KCNQ3: variants seen among roughly 807,000 people sequenced by gnomAD.
KCNQ3 encodes the protein potassium voltage-gated channel subfamily Q member 3, also known as potassium voltage-gated channel subfamily KQT member 3.
A neutral mutation model predicts 92.5 loss-of-function variants in KCNQ3; 30 were observed. The observed-to-expected ratio is 0.32, with a 90% CI of 0.24 to 0.44. KCNQ3 has a LOEUF of 0.44. KCNQ3 is among the 20% of genes least tolerant of loss of function. KCNQ3 has a pLI of 1.00. For synonymous variants in KCNQ3, 450 were observed against 468.8 expected (o/e 0.96, Z 0.52); for missense variants, 913 against 1,140.3 (o/e 0.80, Z 2.87).
At chr8:132,297,316 G>A (rs532012548) in intron 1 of KCNQ3, among the ~76,000 whole-genome samples, 1,578 of 151,940 alleles carry the variant, frequency 0.01, 28 homozygotes, top group African/African-American at 0.037. Flanking sequence ...AGTAGGTTGC[G>A]AAAATTTTCT....
chr8:132,227,855 C>T (rs886800730), intron 1 of KCNQ3, among the ~76,000 whole-genome samples: 8 of 152,152 alleles, frequency 5.3e-5, no homozygotes, highest in Admixed American at 1.3e-4. Flanking sequence ...GTCTTTCACA[C>T]AGAGAATCTA....
chr8:132,308,763 TATC>T (rs1282662363), intron 1 of KCNQ3, among the ~76,000 whole-genome samples: 1 of 152,202 alleles, frequency 6.6e-6, no homozygotes, highest in Non-Finnish European at 1.5e-5. Context: ...AGAAGAATGT[TATC>T]ATCCCCACTT....
intron 9 of KCNQ3, among the ~76,000 whole-genome samples, chr8:132,159,702 G>T (rs1825924671): frequency 6.6e-6 from 1 of 152,136 alleles, no homozygotes; most frequent in Non-Finnish European, 1.5e-5. Flanking sequence ...AGAAAATCCT[G>T]GGGTCCCAGT....
intron 1 of KCNQ3, among the ~76,000 whole-genome samples, chr8:132,461,651 G>T (rs1822064233): frequency 6.6e-6 from 1 of 152,208 alleles, no homozygotes. Flanking sequence ...ATGAATCACA[G>T]TTCCTGTTGC....
At chr8:132,346,358 C>T (rs1041951334) in intron 1 of KCNQ3, among the ~76,000 whole-genome samples, 7 of 152,168 alleles carry the variant, frequency 4.6e-5, no homozygotes, top group African/African-American at 1.7e-4. Context: ...CATGCAAGTG[C>T]CACTTCACTC....
chr8:132,457,095 G>A (rs201967912), intron 1 of KCNQ3, among the ~76,000 whole-genome samples: 3 of 72,030 alleles, frequency 4.2e-5, no homozygotes, highest in Non-Finnish European at 8.3e-5. Flanking sequence ...ATCACAGAAG[G>A]GAGTGGTCCT....
chr8:132,341,478 T>A (rs148363207), intron 1 of KCNQ3, among the ~76,000 whole-genome samples: 3,601 of 152,308 alleles, frequency 0.024, 57 homozygotes, highest in African/African-American at 0.039. Context: ...TGCATCACAA[T>A]CATATGCATG....
chr8:132,321,999 T>C (rs962994951), intron 1 of KCNQ3, among the ~76,000 whole-genome samples: 1 of 152,126 alleles, frequency 6.6e-6, no homozygotes, highest in Non-Finnish European at 1.5e-5. Context: ...AAGCACATTT[T>C]CTTGAAAATG....
At chr8:132,186,927 TGTGTGTGAGAGA>T (rs1826976522) in intron 1 of KCNQ3, among the ~76,000 whole-genome samples, 1 of 85,164 alleles carries the variant, frequency 1.2e-5, no homozygotes, top group African/African-American at 5.0e-5. Flanking sequence ...TGTGTGTGTG[TGTGTGTGAGAGA>T]GAGAGAGAGA....
chr8:132,311,543 A>G (rs1817593324), intron 1 of KCNQ3, among the ~76,000 whole-genome samples: 1 of 152,212 alleles, frequency 6.6e-6, no homozygotes, highest in Non-Finnish European at 1.5e-5. Context: ...AAGAAGCCAA[A>G]ATCTCCTAAC....
chr8:132,354,835 C>A (rs1172572073), intron 1 of KCNQ3, among the ~76,000 whole-genome samples: 1 of 152,204 alleles, frequency 6.6e-6, no homozygotes, highest in African/African-American at 2.4e-5. Context: ...GTCAGTGGGG[C>A]ACCCCCAATA....
At chr8:132,166,282 A>G (rs1185334394) in intron 8 of KCNQ3, among the ~76,000 whole-genome samples, 1 of 152,216 alleles carries the variant, frequency 6.6e-6, no homozygotes, top group Non-Finnish European at 1.5e-5. Context: ...CAGCTATAGA[A>G]AATGAAAAGC....
At position 132,322,663 on chromosome 8, in the gene KCNQ3, C is replaced by T. The variant is rs138117999; in HGVS notation, c.387-136482G>A. 3.5e-3 allele frequency among the ~76,000 whole-genome samples: 538 copies of T among 152,302 alleles called. 3 individuals are homozygous for T. Among genetic ancestry groups the T allele is most frequent in the African/African-American group, 0.012 (499 of 41,560 alleles). ...CACACAAGCCAGGCTTTCAGACAGG[C>T]GAAACTGGGCAGGCAGACGAATGTG... is the stretch of plus-strand genomic sequence containing the variant. On this transcript the variant is annotated intron_variant, in intron 1 of 14. Transcript: ENST00000388996.
At chr8:132,179,040 T>C (rs1826662115) in intron 4 of KCNQ3, among the ~76,000 whole-genome samples, 1 of 147,934 alleles carries the variant, frequency 6.8e-6, no homozygotes, top group African/African-American at 2.5e-5. Flanking sequence ...CAAGCTTGGC[T>C]TTGTACCCCC....
intron 9 of KCNQ3, among the ~76,000 whole-genome samples, chr8:132,158,595 T>A (rs140973006): frequency 6.6e-6 from 1 of 152,290 alleles, no homozygotes; most frequent in African/African-American, 2.4e-5. Flanking sequence ...AGCATAGTGG[T>A]AGGAACCATG....
At chr8:132,188,836 C>A (rs555183052) in intron 1 of KCNQ3, among the ~76,000 whole-genome samples, 86 of 152,260 alleles carry the variant, frequency 5.6e-4, no homozygotes, top group African/African-American at 1.9e-3. Flanking sequence ...GGGGCTGCAG[C>A]CAAGAGGTTG....
At chr8:132,368,202 T>C (rs1563881728) in intron 1 of KCNQ3, among the ~76,000 whole-genome samples, 1 of 152,194 alleles carries the variant, frequency 6.6e-6, no homozygotes, top group East Asian at 1.9e-4. Flanking sequence ...GAGGGCCAGC[T>C]GTCTATTGTT....
At chr8:132,339,759 C>G (rs1253118842) in intron 1 of KCNQ3, among the ~76,000 whole-genome samples, 1 of 152,088 alleles carries the variant, frequency 6.6e-6, no homozygotes, top group African/African-American at 2.4e-5. Context: ...CTATGAAGTC[C>G]ACATTTTTCT....
At chr8:132,205,714 AGT>A (rs1316915560) in intron 1 of KCNQ3, among the ~76,000 whole-genome samples, 6 of 152,218 alleles carry the variant, frequency 3.9e-5, no homozygotes, top group Admixed American at 1.3e-4. Flanking sequence ...GTGAGACTAT[AGT>A]AGAAACTGGT....
Sources: allele counts gnomAD v4.1 joint callset (sites outside exome capture counted in the v4.1 genomes callset), GRCh38; gene constraint gnomAD v4.1.1; transcripts MANE v1.5; gene names NCBI Gene and HGNC (gene_info 2026-07-23, HGNC 2026-07-21).